Variants in PRXL2A observed in about 807,000 individuals in gnomAD.
PRXL2A encodes the protein peroxiredoxin-like 2A.
A neutral mutation model predicts 25.6 loss-of-function variants in PRXL2A; 26 were observed. That is an observed-to-expected ratio of 1.02 (90% confidence interval 0.74 to 1.41). The LOEUF (loss-of-function observed/expected upper bound fraction) is 1.41, where lower values mean the gene tolerates loss of function less well. PRXL2A is among the 40% of genes most tolerant of loss of function. The pLI, the probability that PRXL2A is intolerant of heterozygous loss-of-function variation, is 0.00. For missense variants in PRXL2A, 246 were observed against 273.9 expected, an observed-to-expected ratio of 0.90 and a Z score of 0.72; for synonymous variants, 98 against 102.9, an observed-to-expected ratio of 0.95 and a Z score of 0.29.
intron 5 of PRXL2A, 96 bp from the exon 6 acceptor site, chr10:80,431,890 C>G: frequency 1.1e-6 from 1 of 887,082 alleles, no homozygotes; most frequent in Non-Finnish European, 1.8e-6. Context: ...CTTTGCTATT[C>G]AAGCAAAAGG....
intron 1 of PRXL2A, 67 bp from the exon 2 acceptor site, chr10:80,420,399 C>G: frequency 6.6e-7 from 1 of 1,506,504 alleles, no homozygotes; most frequent in East Asian, 2.4e-5. Context: ...AGAGCCTTGC[C>G]TGGAAGATGA....
intron 2 of PRXL2A, among the ~76,000 whole-genome samples, chr10:80,421,252 A>G (rs1282434596): frequency 2.0e-5 from 3 of 152,178 alleles, no homozygotes; most frequent in Non-Finnish European, 1.5e-5. Context: ...AGACCTGCCT[A>G]TCTCCCTCTT....
At chr10:80,422,617 A>C in intron 3 of PRXL2A, 109 bp downstream of exon 3, 1 of 737,252 alleles carries the variant, frequency 1.4e-6, no homozygotes, top group Non-Finnish European at 2.2e-6. Flanking sequence ...TTTTACCCAC[A>C]TGTTCTGTTC....
chr10:80,422,660 GCT>G (rs1437413931), intron 3 of PRXL2A, 152 bp downstream of exon 3: 2 of 493,950 alleles, frequency 4.0e-6, no homozygotes, highest in East Asian at 3.5e-5. Flanking sequence ...TTTGATTTGT[GCT>G]CTTTTTTTTT....
chr10:80,422,649 C>T (rs1589558826), intron 3 of PRXL2A, 141 bp downstream of exon 3: 4 of 503,824 alleles, frequency 7.9e-6, no homozygotes, highest in Middle Eastern at 4.1e-4. Context: ...CTAGGTATTT[C>T]TTTGATTTGT....
At chr10:80,419,331 G>C (rs1330726191) in intron 1 of PRXL2A, among the ~76,000 whole-genome samples, 2 of 113,926 alleles carry the variant, frequency 1.8e-5, no homozygotes, top group Admixed American at 1.0e-4. Flanking sequence ...TTTTGAGACG[G>C]AGTTTCACTC....
rs1390426662 is a variant in PRXL2A, at chr10:80,436,609, A to T, written c.*4510A>T. 1 of 152,268 alleles carries T rather than the reference A, an allele frequency of 6.6e-6. No homozygotes were observed. Among genetic ancestry groups the T allele is most frequent in the Non-Finnish European group, 1.5e-5 (1 of 68,122 alleles). 9.4% of individuals were successfully genotyped at this position (152,268 alleles called of 1,614,324 possible). ...CCTCAGAAGCAGCCCCAGAAGCAAA[A>T]GTTTCTCTCTGACCTTCTCCTGCCC... On this transcript the variant is annotated 3_prime_UTR_variant, in exon 6 of 6. Coordinates refer to ENST00000606162, the MANE Select transcript of PRXL2A (RefSeq NM_032333.5).
chr10:80,433,079 T>A lies in PRXL2A; in HGVS notation c.*980T>A, dbSNP rs1205129624. On this transcript the variant is annotated 3_prime_UTR_variant, in exon 6 of 6. Transcript: ENST00000606162. ...CTGAAAGTAAAAAAAGTCAGCATTC[T>A]CCATGGCTGAGGGGTAAAGTGCCTC... is the stretch of plus-strand genomic sequence containing the variant. The A allele has an allele frequency of 6.6e-6, 1 of 152,232 alleles. No homozygotes were observed. Among genetic ancestry groups the A allele is most frequent in the Non-Finnish European group, 1.5e-5 (1 of 68,046 alleles). 9.4% of individuals were successfully genotyped at this position (152,232 alleles called of 1,614,324 possible). A position where few individuals can be genotyped will look rare whatever the true frequency, so the allele number is the denominator to read the frequency against.
At chr10:80,430,887 G>GT (rs1335362515) in intron 5 of PRXL2A, among the ~76,000 whole-genome samples, 1 of 152,028 alleles carries the variant, frequency 6.6e-6, no homozygotes, top group African/African-American at 2.4e-5. Context: ...TTTTGTTCGT[G>GT]TTTTTGTTTG....
At chr10:80,414,868 A>G (rs777436895) in intron 1 of PRXL2A, among the ~76,000 whole-genome samples, 2 of 152,242 alleles carry the variant, frequency 1.3e-5, no homozygotes, top group Non-Finnish European at 1.5e-5. Context: ...TACCTCTGCA[A>G]TCTTAGAGAC....
intron 3 of PRXL2A, among the ~76,000 whole-genome samples, 197 bp from the exon 4 acceptor site, chr10:80,425,669 C>G (rs1564693551): frequency 6.6e-6 from 1 of 152,176 alleles, no homozygotes; most frequent in African/African-American, 2.4e-5. Context: ...AGGAGAGAAG[C>G]ATTGTGGGCA....
intron 3 of PRXL2A, among the ~76,000 whole-genome samples, chr10:80,423,170 G>A (rs1844926985): frequency 6.6e-6 from 1 of 152,252 alleles, no homozygotes. Context: ...TCGAAGGGAA[G>A]ACATCATCTA....
chr10:80,422,558 G>A, intron 3 of PRXL2A, 50 bp downstream of exon 3: 1 of 1,482,412 alleles, frequency 6.7e-7, no homozygotes, highest in Non-Finnish European at 9.4e-7. Flanking sequence ...GGCAAGTAGG[G>A]GCCATTGTTT....
chr10:80,422,515 G>A lies in PRXL2A; in HGVS notation c.270+7G>A. On this transcript the variant is annotated splice_region_variant and intron_variant, in intron 3 of 5. Coordinates refer to ENST00000606162, the MANE Select transcript of PRXL2A (RefSeq NM_032333.5). ...CTGTTTCCTCTGTCGAGAGGTGAGT[G>A]CAGATGAGGATCTATTCAGAGAAAG... The A allele has an allele frequency of 6.2e-7, 1 of 1,610,658 alleles. No individual in the cohort carries two copies. Among genetic ancestry groups the A allele is most frequent in the Non-Finnish European group, 8.5e-7 (1 of 1,176,894 alleles).
intron 5 of PRXL2A, among the ~76,000 whole-genome samples, chr10:80,430,114 T>C (rs931909993): frequency 7.7e-4 from 75 of 97,938 alleles, no homozygotes; most frequent in African/African-American, 2.7e-3. Context: ...TTTTTTTTTT[T>C]CTGGAGACAG....
chr10:80,419,298 CTTTT>C (rs11423912), intron 1 of PRXL2A, among the ~76,000 whole-genome samples: 2 of 129,172 alleles, frequency 1.5e-5, no homozygotes, highest in South Asian at 2.7e-4. Flanking sequence ...CTTCCTCTTT[CTTTT>C]TTTTTTTTTC....
At chr10:80,417,818 A>G (rs1327727242) in intron 1 of PRXL2A, among the ~76,000 whole-genome samples, 20 of 146,440 alleles carry the variant, frequency 1.4e-4, no homozygotes, top group Admixed American at 6.2e-4. Flanking sequence ...TCTGGGCTAT[A>G]GTGATCCTAC....
At chr10:80,415,702 T>G (rs1199132908) in intron 1 of PRXL2A, among the ~76,000 whole-genome samples, 1 of 152,226 alleles carries the variant, frequency 6.6e-6, no homozygotes, top group African/African-American at 2.4e-5. Context: ...AAATCGCCAT[T>G]TATTGAACAG....
At chr10:80,418,748 A>G (rs937542505) in intron 1 of PRXL2A, among the ~76,000 whole-genome samples, 3 of 152,082 alleles carry the variant, frequency 2.0e-5, no homozygotes, top group Non-Finnish European at 4.4e-5. Context: ...GGAAAGATAG[A>G]TATTGTAAGT....
Sources: allele counts gnomAD v4.1 joint callset (sites outside exome capture counted in the v4.1 genomes callset), GRCh38; gene constraint gnomAD v4.1.1; transcripts MANE v1.5; gene names NCBI Gene and HGNC (gene_info 2026-07-23, HGNC 2026-07-21).